Variants in SP110 observed in about 807,000 individuals in gnomAD.
The protein encoded by SP110 is SP110 nuclear body protein.
In SP110, 62 loss-of-function variants were observed where a neutral mutation model predicts 92.7. That is an observed-to-expected ratio of 0.67 (90% CI 0.55 to 0.83). The LOEUF is 0.83. SP110 is among the 40% of genes least tolerant of loss of function. The pLI, the probability that SP110 is intolerant of heterozygous loss-of-function variation, is 0.00. For missense variants in SP110, 793 were observed against 863.9 expected (o/e 0.92, Z 1.03); for synonymous variants, 273 against 305.3 (o/e 0.89, Z 1.10).
At position 230,216,947 on chromosome 2, in the gene SP110, T is replaced by TA; in HGVS notation, c.-1-20dup. ...GAACATCCTATGGAAAGAGGCATGA[T>TA]AAAAAATAGAAGCAAAGGCTGGGCG... On this transcript the variant is annotated intron_variant, in intron 1 of 18. Transcript: ENST00000258381. 3.7e-6 allele frequency: 6 copies of TA among 1,611,176 alleles called. No individual in the cohort carries two copies. Among genetic ancestry groups the TA allele is most frequent in the Non-Finnish European group, 5.1e-6 (6 of 1,179,052 alleles).
At chr2:230,189,097 T>A (rs868551832) in intron 10 of SP110, among the ~76,000 whole-genome samples, 1 of 152,124 alleles carries the variant, frequency 6.6e-6, no homozygotes. Flanking sequence ...CTTCTCTCTT[T>A]TTTTTTGGTT....
intron 10 of SP110, among the ~76,000 whole-genome samples, chr2:230,198,697 C>A (rs2148835530): frequency 6.6e-6 from 1 of 152,178 alleles, no homozygotes; most frequent in Admixed American, 6.5e-5. Flanking sequence ...TGGGTTCAAG[C>A]AATTCTCCTG....
chr2:230,223,969 A>C (rs1167176237), upstream of SP110, among the ~76,000 whole-genome samples: 1 of 152,198 alleles, frequency 6.6e-6, no homozygotes, highest in Non-Finnish European at 1.5e-5. Flanking sequence ...AAAGGAAGAC[A>C]TTGGGAACCA....
At chr2:230,219,022 C>T (rs865887083) in intron 1 of SP110, among the ~76,000 whole-genome samples, 3 of 152,074 alleles carry the variant, frequency 2.0e-5, no homozygotes, top group African/African-American at 4.8e-5. Context: ...GTCAGGAGTT[C>T]GAGACCAGCC....
chr2:230,210,165 GC>G (rs1377329402), intron 6 of SP110, among the ~76,000 whole-genome samples, 157 bp from the exon 7 acceptor site: 1 of 152,158 alleles, frequency 6.6e-6, no homozygotes, highest in African/African-American at 2.4e-5. Flanking sequence ...CTTGATTTTT[GC>G]CAACTTGTGG....
chr2:230,169,114 C>T lies in SP110; in HGVS notation c.*10G>A, dbSNP rs1408078186. 6.4e-7 allele frequency: 1 copy of T among 1,569,880 alleles called. No individual in the cohort carries two copies. ...TGAGGTGGGGATGCTTCAGTCTTTA[C>T]AGAACAGGGTCAAGGAAGAGTCCAG... On this transcript the variant is annotated 3_prime_UTR_variant, in exon 19 of 19. Transcript: ENST00000258381.
rs940041768 is a variant in SP110, at chr2:230,166,815, A to T, written c.*2309T>A. ...GATGGGAATTAGAGGTGTATCATAC[A>T]TATAAATCATGTATCAAGGAAAATT... On this transcript the variant is annotated 3_prime_UTR_variant, in exon 19 of 19. Coordinates refer to ENST00000258381, the MANE Select transcript of SP110 (RefSeq NM_080424.4). Among the ~76,000 whole-genome samples, 1 of 152,220 alleles carries T rather than the reference A, an allele frequency of 6.6e-6. No homozygotes were observed. The highest frequency in any genetic ancestry group is 1.5e-5 in the Non-Finnish European group (1 of 68,040).
At chr2:230,221,509 C>T (rs1481830165), upstream of SP110, among the ~76,000 whole-genome samples, 1 of 152,132 alleles carries the variant, frequency 6.6e-6, no homozygotes, top group Admixed American at 6.5e-5. Context: ...TACAGAATAG[C>T]AGACCCGGCC....
chr2:230,167,955 T>C lies in SP110; in HGVS notation c.*1169A>G, dbSNP rs1292033903. The C allele has an allele frequency of 6.6e-6, 1 of 151,866 alleles. No individual in the cohort carries two copies. Among genetic ancestry groups the C allele is most frequent in the East Asian group, 1.9e-4 (1 of 5,184 alleles). The allele number at this position is 151,866 out of a possible 1,614,324, so 9.4% of individuals were successfully genotyped here. A position where few individuals can be genotyped will look rare whatever the true frequency, so the allele number is the denominator to read the frequency against. On this transcript the variant is annotated 3_prime_UTR_variant, in exon 19 of 19. Coordinates refer to ENST00000258381, the MANE Select transcript of SP110 (RefSeq NM_080424.4). ...AACTCAGGAGGCAAATTGAGGAGTT[T>C]CTCACTAAAAGTGGGGAACTTGCAC...
In SP110 at chr2:230,168,875, G is replaced by A. The variant is rs1050226047; in HGVS notation, c.*249C>T. 2.5e-6 allele frequency: 1 copy of A among 403,902 alleles called. No homozygotes were observed. The highest frequency in any genetic ancestry group is 2.0e-5 in the African/African-American group (1 of 49,300). The allele number at this position is 403,902 out of a possible 1,614,324, so 25.0% of individuals were successfully genotyped here. On this transcript the variant is annotated 3_prime_UTR_variant, in exon 19 of 19. Transcript: ENST00000258381. ...AGACTTATGAGACAGTGGGGAGAAT[G>A]TGAACTATGATGGGGTATCTGATGG... is the stretch of plus-strand genomic sequence containing the variant.
intron 10 of SP110, among the ~76,000 whole-genome samples, chr2:230,192,811 A>G (rs2042697353): frequency 6.6e-6 from 1 of 152,192 alleles, no homozygotes; most frequent in Non-Finnish European, 1.5e-5. Context: ...ATCTTGGAGA[A>G]TGTTCCATGT....
rs113159805 is a variant in SP110, at chr2:230,190,838, G to A, written c.1130-4695C>T. Among the ~76,000 whole-genome samples, 387 of 152,252 alleles carry A rather than the reference G, an allele frequency of 2.5e-3. 1 individual carries two copies. Among genetic ancestry groups the A allele is most frequent in the African/African-American group, 8.6e-3 (356 of 41,552 alleles). ...AATCCTTTTGCCATTGCTTGTTTTT[G>A]TCAGGTTTGTTGAAGAACAGATGGT... On this transcript the variant is annotated intron_variant, in intron 10 of 18. Coordinates refer to ENST00000258381, the MANE Select transcript of SP110 (RefSeq NM_080424.4).
Position 230,171,615 on chromosome 2 carries a change from G to A in SP110, c.1887+81C>T, listed in dbSNP as rs41541917. 6.8e-4 allele frequency: 725 copies of A among 1,069,620 alleles called. 3 individuals carry two copies. In the African/African-American group the frequency reaches 6.9e-3, roughly 10 times the overall value. 66.3% of individuals were successfully genotyped at this position (1,069,620 alleles called of 1,614,324 possible). On this transcript the variant is annotated intron_variant, in intron 17 of 18. Coordinates refer to ENST00000258381, the MANE Select transcript of SP110 (RefSeq NM_080424.4). ...TCTCTTCTGTTCTCCAGCTTCCTGA[G>A]CAAACTGCAGCACCTGCCAGATCAG...
intron 11 of SP110, among the ~76,000 whole-genome samples, chr2:230,184,607 G>A (rs2042271235): frequency 6.6e-6 from 1 of 152,068 alleles, no homozygotes; most frequent in Admixed American, 6.5e-5. Flanking sequence ...TAAGCAAATG[G>A]CTCCACAACC....
chr2:230,216,171 T>C (rs1574786806), intron 2 of SP110, among the ~76,000 whole-genome samples: 2 of 152,338 alleles, frequency 1.3e-5, no homozygotes, highest in Non-Finnish European at 2.9e-5. Flanking sequence ...GTGAGTTGAA[T>C]GTTGGATGGA....
chr2:230,209,832 T>C, intron 7 of SP110, 99 bp downstream of exon 7: 1 of 792,090 alleles, frequency 1.3e-6, no homozygotes, highest in African/African-American at 1.7e-5. Context: ...ATCAGGACTG[T>C]GGTCACATAG....
At position 230,168,994 on chromosome 2, in the gene SP110, A is replaced by G. The variant is rs1223948100; in HGVS notation, c.*130T>C. 3 of 750,986 alleles carry G rather than the reference A, an allele frequency of 4.0e-6. No individual in the cohort carries two copies. Among genetic ancestry groups the G allele is most frequent in the East Asian group, 2.5e-5 (1 of 40,600 alleles). The allele number at this position is 750,986 out of a possible 1,614,324, so 46.5% of individuals were successfully genotyped here. ...TAAAGATGGAGGGTGTGATAATCCT[A>G]TGAAGTGTCTGGGTTTGGGTCCTGA... On this transcript the variant is annotated 3_prime_UTR_variant, in exon 19 of 19. Coordinates refer to ENST00000258381, the MANE Select transcript of SP110 (RefSeq NM_080424.4).
chr2:230,183,475 G>A, intron 12 of SP110, 97 bp downstream of exon 12: 1 of 844,834 alleles, frequency 1.2e-6, no homozygotes, highest in East Asian at 2.4e-5. Context: ...CTTTGGAGGA[G>A]AAGGGAGAGA....
At chr2:230,172,814 G>C (rs1331180548) in intron 15 of SP110, 30 bp downstream of exon 15, 1 of 1,445,012 alleles carries the variant, frequency 6.9e-7, no homozygotes, top group African/African-American at 1.4e-5. Flanking sequence ...TGAGTGCTGT[G>C]TGCCCGAGGC....
Sources: allele counts gnomAD v4.1 joint callset (sites outside exome capture counted in the v4.1 genomes callset), GRCh38; gene constraint gnomAD v4.1.1; transcripts MANE v1.5; gene names NCBI Gene and HGNC (gene_info 2026-07-23, HGNC 2026-07-21).